Variants in EPHA10 observed in about 807,000 individuals in gnomAD.
EPHA10 encodes the protein ephrin type-A receptor 10.
A neutral mutation model predicts 109.7 loss-of-function variants in EPHA10; 120 were observed. That is an observed-to-expected ratio of 1.09 (90% CI 0.94 to 1.27). The LOEUF (loss-of-function observed/expected upper bound fraction) is 1.27. Ranked by LOEUF, EPHA10 falls within the 50% of genes most tolerant of loss-of-function variation. The pLI is 0.00. For missense variants in EPHA10, 1,396 were observed against 1,411.1 expected (o/e 0.99, Z 0.17); for synonymous variants, 640 against 618.9 (o/e 1.03, Z -0.51).
At chr1:37,720,239 G>T in intron 13 of EPHA10, 112 bp downstream of exon 13, 2 of 1,410,630 alleles carry the variant, frequency 1.4e-6, no homozygotes, top group Non-Finnish European at 1.9e-6. Context: ...TTTATGCCAA[G>T]ACCAACTGGG....
Position 37,754,627 on chromosome 1 carries a change from A to C in EPHA10, c.851-257T>G, listed in dbSNP as rs1449260673. 1.1e-4 allele frequency among the ~76,000 whole-genome samples: 9 copies of C among 83,698 alleles called. No individual in the cohort carries two copies. The highest frequency in any genetic ancestry group is 4.6e-4 in the African/African-American group (8 of 17,462). The allele number at this position is 83,698 out of a possible 152,430, so 54.9% of individuals were successfully genotyped here. On this transcript the variant is annotated intron_variant, in intron 3 of 16. Coordinates refer to ENST00000373048, the MANE Select transcript of EPHA10 (RefSeq NM_001099439.2). This position sits in a 1 kb window ranked among gnomAD's most constrained non-coding sequence, Gnocchi z 4.5. ...CGCGGTGGCTCATGCCTGTAATCCC[A>C]GCACTTTGGAAGGCCAAAGCTGGAG...
At chr1:37,721,903 C>A in intron 10 of EPHA10, 58 bp from the exon 11 acceptor site, 1 of 1,425,042 alleles carries the variant, frequency 7.0e-7, no homozygotes, top group Non-Finnish European at 9.3e-7. Context: ...CTGAGCTGGG[C>A]AGGCTGAGCC....
intron 5 of EPHA10, among the ~76,000 whole-genome samples, chr1:37,746,101 C>CTTTTTTTT (rs111763214): frequency 5.5e-5 from 7 of 127,430 alleles, no homozygotes; most frequent in East Asian, 2.3e-4. Context: ...CTTTTCTTTT[C>CTTTTTTTT]TTTTTTTTTT....
chr1:37,734,216 C>T (rs1025348630), intron 6 of EPHA10, among the ~76,000 whole-genome samples: 5 of 152,280 alleles, frequency 3.3e-5, no homozygotes, highest in African/African-American at 1.2e-4. Context: ...AACAGTTTAA[C>T]AGTAGTTTGC....
In EPHA10 at chr1:37,753,046, ACGCGCGGCC is replaced by A. The variant is rs1646353983; in HGVS notation, c.1178_1186del (p.Gly393_Arg395del). The A allele has an allele frequency of 8.0e-7, 1 of 1,242,462 alleles. No individual in the cohort carries two copies. 77.0% of individuals were successfully genotyped at this position (1,242,462 alleles called of 1,614,324 possible). Reference sequence around the variant, plus strand: ...CCCTGCCTGGCGCGGTAGGAAGGCCACGCGCGGCCCGCACGGCTCGCAGGCGCCCGCCGG... The same window carrying A: ...CCCTGCCTGGCGCGGTAGGAAGGCCACGCACGGCTCGCAGGCGCCCGCCGG... On this transcript the variant is annotated inframe_deletion, in exon 5 of 17. Transcript: ENST00000373048.
chr1:37,728,710 T>C (rs937648207), intron 7 of EPHA10, among the ~76,000 whole-genome samples: 1 of 151,974 alleles, frequency 6.6e-6, no homozygotes, highest in Non-Finnish European at 1.5e-5. Flanking sequence ...CAGTGAGCAG[T>C]CTTTCGGATG....
In EPHA10 at chr1:37,747,896, AAGAC is replaced by A. The variant is rs1477809967; in HGVS notation, c.1357+4976_1357+4979del. On this transcript the variant is annotated intron_variant, in intron 5 of 16. Coordinates refer to ENST00000373048, the MANE Select transcript of EPHA10 (RefSeq NM_001099439.2). The stretch of plus-strand genomic sequence containing the variant: ...CTTCTGGCAAGGATAATTAAGAAAA[AAGAC>A]AGAAATCACAAGCATACAACAGGAA... 5.9e-5 allele frequency among the ~76,000 whole-genome samples: 9 copies of A among 152,348 alleles called. No individual in the cohort carries two copies. In the Middle Eastern group the frequency reaches 0.01, roughly 173 times the overall value.
In EPHA10 at chr1:37,721,826, G is replaced by A. The variant is rs1392393607; in HGVS notation, c.1980C>T (p.Cys660=). The change falls in exon 11 of 17, where the codon TGC becomes TGT. Residue 660 remains cysteine, a synonymous_variant. Transcript: ENST00000373048. ...SLGGGRFGEL[C]CGCLQLPGRQ... Reference sequence around the variant, plus strand: ...GACCGGGGAGCTGCAAGCAGCCACAGCACAGCTCCCCAAACCGCCCTGTGG... The same window carrying A: ...GACCGGGGAGCTGCAAGCAGCCACAACACAGCTCCCCAAACCGCCCTGTGG... The A allele has an allele frequency of 1.9e-6, 3 of 1,603,900 alleles. No homozygotes were observed. The highest frequency in any genetic ancestry group is 2.6e-6 in the Non-Finnish European group (3 of 1,174,462).
intron 5 of EPHA10, among the ~76,000 whole-genome samples, chr1:37,744,486 C>T (rs1015358049): frequency 6.6e-6 from 1 of 151,508 alleles, no homozygotes; most frequent in Non-Finnish European, 1.5e-5. Context: ...TGCCACTGCA[C>T]TCCAGCCCAT....
rs533226641 is a variant in EPHA10, at chr1:37,722,725, C to G, written c.1960+316G>C. The G allele has an allele frequency of 5.0e-5, 23 of 462,190 alleles. No homozygotes were observed. The East Asian group carries it at 1.1e-3, about 22-fold the overall frequency. The allele number at this position is 462,190 out of a possible 1,614,324, so 28.6% of individuals were successfully genotyped here. ...ACTAGAACTCAGTTATGTCTGGCCC[C>G]TAAGCTTGCAAAGGCCCCTCCCCAC... On this transcript the variant is annotated intron_variant, in intron 10 of 16. Transcript: ENST00000373048.
Position 37,727,230 on chromosome 1 carries a change from G to C in EPHA10, c.1664-20C>G. 6.3e-7 allele frequency: 1 copy of C among 1,581,104 alleles called. No homozygotes were observed. Among genetic ancestry groups the C allele is most frequent in the Non-Finnish European group, 8.6e-7 (1 of 1,161,716 alleles). On this transcript the variant is annotated intron_variant, in intron 7 of 16. Coordinates refer to ENST00000373048, the MANE Select transcript of EPHA10 (RefSeq NM_001099439.2). ...AGGCAGCTGGGAGGAAAATCACGAG[G>C]TTGAGGCAGGCAGAGGACCAGGCTC... is the stretch of plus-strand genomic sequence containing the variant.
chr1:37,761,137 A>C (rs1191082723), intron 3 of EPHA10: 2 of 1,285,160 alleles, frequency 1.6e-6, no homozygotes, highest in Non-Finnish European at 2.0e-6. Flanking sequence ...GAAAATAAAT[A>C]AACGAGAAGG....
At position 37,732,863 on chromosome 1, in the gene EPHA10, C is replaced by CTTTTTTTTTTTTTTTTTTT. The variant is rs56226051; in HGVS notation, c.1492-1300_1492-1282dup. On this transcript the variant is annotated intron_variant, in intron 6 of 16. Coordinates refer to ENST00000373048, the MANE Select transcript of EPHA10 (RefSeq NM_001099439.2). The stretch of plus-strand genomic sequence containing the variant: ...CAAATATAGCCCTTTTATACTTGTT[C>CTTTTTTTTTTTTTTTTTTT]TTTTTTTTTTTTTTTTTTTTTTTTT... Among the ~76,000 whole-genome samples the CTTTTTTTTTTTTTTTTTTT allele has an allele frequency of 4.4e-4, 11 of 25,042 alleles. 3 individuals carry two copies. Among genetic ancestry groups the CTTTTTTTTTTTTTTTTTTT allele is most frequent in the African/African-American group, 5.3e-4 (4 of 7,482 alleles). The allele number at this position is 25,042 out of a possible 152,430, so 16.4% of individuals were successfully genotyped here.
At position 37,761,993 on chromosome 1, in the gene EPHA10, G is replaced by C. The variant is rs755333973; in HGVS notation, c.262C>G (p.Leu88Val). ...NVLEPNQDNW[L>V]QTGWISRGRG... is the part of the protein sequence containing the mutation. Reference sequence around the variant, plus strand: ...CCACGGCTTATCCAGCCAGTCTGCAGCCAGTTGTCCTGGTTGGGCTCCAGC... The same window carrying C: ...CCACGGCTTATCCAGCCAGTCTGCACCCAGTTGTCCTGGTTGGGCTCCAGC... Residue 88 changes from leucine to valine, a missense_variant, in exon 3 of 17, where the codon CTG becomes GTG. By Grantham distance (32) the Leu-to-Val change is conservative. Transcript: ENST00000373048. The C allele has an allele frequency of 4.3e-6, 7 of 1,614,088 alleles. No homozygotes were observed. The highest frequency in any genetic ancestry group is 5.9e-6 in the Non-Finnish European group (7 of 1,180,030).
chr1:37,715,542 T>C (rs1645678611), downstream of EPHA10, among the ~76,000 whole-genome samples: 1 of 152,170 alleles, frequency 6.6e-6, no homozygotes, highest in Non-Finnish European at 1.5e-5. Context: ...AACTTACATC[T>C]GTGCTCCGAG....
chr1:37,752,850 G>C (rs1270565698), intron 5 of EPHA10, 26 bp downstream of exon 5: 3 of 1,249,162 alleles, frequency 2.4e-6, no homozygotes, highest in African/African-American at 1.6e-5. Context: ...CGGTGGCCTC[G>C]GGGTGGGGGG....
At chr1:37,752,805 G>A (rs1215632529) in intron 5 of EPHA10, 71 bp downstream of exon 5, 1 of 1,112,776 alleles carries the variant, frequency 9.0e-7, no homozygotes, top group Non-Finnish European at 1.1e-6. Flanking sequence ...CAGGACCGAC[G>A]GGGCGGCCCC....
intron 5 of EPHA10, among the ~76,000 whole-genome samples, chr1:37,750,831 CCA>C (rs1398625733): frequency 3.3e-5 from 5 of 151,932 alleles, no homozygotes; most frequent in Non-Finnish European, 4.4e-5. Context: ...AGGGCATGAG[CCA>C]CTGTTCCCGG....
intron 5 of EPHA10, among the ~76,000 whole-genome samples, chr1:37,750,377 T>C (rs1646304654): frequency 6.6e-6 from 1 of 151,848 alleles, no homozygotes; most frequent in African/African-American, 2.4e-5. Flanking sequence ...ATAGAGACAA[T>C]AAAAAACAGT....
Sources: gnomAD v4.1 joint callset for allele counts (sites outside exome capture counted in the v4.1 genomes callset) on GRCh38, gnomAD v4.1.1 for gene constraint, Gnocchi (gnomAD v3.1) non-coding constraint, MANE v1.5 for transcripts, NCBI Gene and HGNC (gene_info 2026-07-23, HGNC 2026-07-21) for gene names.